CACNA2D1: variants seen among roughly 807,000 people sequenced by gnomAD.
CACNA2D1 encodes the protein calcium voltage-gated channel auxiliary subunit alpha2delta 1, also known as voltage-dependent calcium channel subunit alpha-2/delta-1.
In CACNA2D1, 53 loss-of-function variants were observed where a neutral mutation model predicts 171.5. The observed-to-expected ratio is 0.31, with a 90% CI of 0.25 to 0.39. The LOEUF is 0.39. Ranked by LOEUF, CACNA2D1 falls within the 10% of genes least tolerant of loss-of-function variation. CACNA2D1 has a pLI of 1.00. For missense variants in CACNA2D1, 903 were observed against 1,299.8 expected (o/e 0.69, Z 4.69); for synonymous variants, 442 against 443.1 (o/e 1.00, Z 0.03).
chr7:82,141,978 A>G (rs1299866076), intron 4 of CACNA2D1, among the ~76,000 whole-genome samples: 1 of 152,166 alleles, frequency 6.6e-6, no homozygotes, highest in African/African-American at 2.4e-5. Flanking sequence ...TTGTTTCTCT[A>G]TTATCCTTCA....
intron 1 of CACNA2D1, among the ~76,000 whole-genome samples, chr7:82,394,131 T>C (rs1825513244): frequency 6.6e-6 from 1 of 152,184 alleles, no homozygotes; most frequent in Non-Finnish European, 1.5e-5. Context: ...AGGGTTTTAT[T>C]AACTCTAGGT....
At position 82,418,705 on chromosome 7, in the gene CACNA2D1, T is replaced by A. The variant is rs150535502; in HGVS notation, c.95+24660A>T. Among the ~76,000 whole-genome samples, 559 of 152,168 alleles carry A rather than the reference T, an allele frequency of 3.7e-3. 12 individuals carry two copies. The highest frequency in any genetic ancestry group is 2.3e-3 in the Non-Finnish European group (157 of 68,004). ...CACTGTCCTATAAGACAACAAGCAT[T>A]ATCCATTTACAGAAAAAGTAGACCA... is the stretch of plus-strand genomic sequence containing the variant. On this transcript the variant is annotated intron_variant, in intron 1 of 38. Coordinates refer to ENST00000356860, the MANE Select transcript of CACNA2D1 (RefSeq NM_000722.4).
At chr7:82,430,283 T>C (rs1454465832) in intron 1 of CACNA2D1, among the ~76,000 whole-genome samples, 2 of 151,910 alleles carry the variant, frequency 1.3e-5, no homozygotes, top group East Asian at 3.9e-4. Flanking sequence ...CCAGGCATGG[T>C]GGTTGGCACC....
In CACNA2D1 at chr7:82,270,128, T is replaced by G. The variant is rs570895226; in HGVS notation, c.294+65007A>C. 7.2e-5 allele frequency among the ~76,000 whole-genome samples: 11 copies of G among 152,296 alleles called. No homozygotes were observed. In the South Asian group the frequency reaches 2.3e-3, roughly 32 times the overall value. On this transcript the variant is annotated intron_variant, in intron 3 of 38. Transcript: ENST00000356860. The stretch of plus-strand genomic sequence containing the variant: ...TAACTTGGCTTTCTATCTAACTAAA[T>G]TCTTCAGCTGTTCTCTCCTCAGCTA...
At chr7:82,194,406 CA>C (rs1208926623) in intron 3 of CACNA2D1, among the ~76,000 whole-genome samples, 1 of 151,900 alleles carries the variant, frequency 6.6e-6, no homozygotes, top group Non-Finnish European at 1.5e-5. Flanking sequence ...AAAAACAAAA[CA>C]AAAAAGTTTC....
At chr7:82,310,176 T>C (rs986765817) in intron 3 of CACNA2D1, among the ~76,000 whole-genome samples, 1 of 151,962 alleles carries the variant, frequency 6.6e-6, no homozygotes, top group African/African-American at 2.4e-5. Context: ...ATGAAACAGT[T>C]CAAAATTACT....
chr7:82,420,841 AAAT>A (rs1333217771), intron 1 of CACNA2D1, among the ~76,000 whole-genome samples: 9 of 152,116 alleles, frequency 5.9e-5, no homozygotes, highest in Middle Eastern at 6.3e-3. Flanking sequence ...AAAAAAAAAA[AAAT>A]AAGGCCACAC....
intron 3 of CACNA2D1, among the ~76,000 whole-genome samples, chr7:82,185,478 AGGGGGAGGAGGAGGGGGAGGG>A (rs1797579349): frequency 5.0e-5 from 1 of 20,048 alleles, no homozygotes; most frequent in Non-Finnish European, 1.3e-4. Context: ...AGAGGGGGGG[AGGGGGAGGAGGAGGGGGAGGG>A]GAGGGGGAGG....
At chr7:82,241,209 G>A (rs1406563534) in intron 3 of CACNA2D1, among the ~76,000 whole-genome samples, 2 of 152,118 alleles carry the variant, frequency 1.3e-5, no homozygotes, top group African/African-American at 4.8e-5. Context: ...TTATGACCCT[G>A]ATTACGAATC....
chr7:82,342,093 C>T (rs947689056), intron 2 of CACNA2D1, among the ~76,000 whole-genome samples: 1 of 144,338 alleles, frequency 6.9e-6, no homozygotes, highest in Non-Finnish European at 1.5e-5. Context: ...ACATTTGATT[C>T]TCTGCATCTT....
At chr7:82,336,959 G>A (rs567553208) in intron 2 of CACNA2D1, among the ~76,000 whole-genome samples, 5 of 152,172 alleles carry the variant, frequency 3.3e-5, no homozygotes, top group Middle Eastern at 3.4e-3. Flanking sequence ...GTTCAGATGT[G>A]CAATCTATAC....
chr7:82,424,774 T>C (rs1419960042), intron 1 of CACNA2D1, among the ~76,000 whole-genome samples: 2 of 152,230 alleles, frequency 1.3e-5, no homozygotes, highest in Admixed American at 6.5e-5. Context: ...ACTTTCCTTA[T>C]AGGATGGATC....
chr7:81,999,626 A>T (rs538696959), intron 18 of CACNA2D1, among the ~76,000 whole-genome samples: 1 of 152,360 alleles, frequency 6.6e-6, no homozygotes, highest in African/African-American at 2.4e-5. Context: ...AAAATAAAAC[A>T]GACCATTTTC....
chr7:81,972,147 T>C (rs566799640), intron 25 of CACNA2D1, among the ~76,000 whole-genome samples: 18 of 151,716 alleles, frequency 1.2e-4, no homozygotes, highest in Non-Finnish European at 2.2e-4. Flanking sequence ...AAACAGGAAA[T>C]AGTCCTTCTT....
At chr7:82,199,129 T>C (rs1308570211) in intron 3 of CACNA2D1, among the ~76,000 whole-genome samples, 1 of 152,150 alleles carries the variant, frequency 6.6e-6, no homozygotes, top group Non-Finnish European at 1.5e-5. Flanking sequence ...AGTAAAGTTT[T>C]ATTTACATAC....
At chr7:82,380,462 T>C (rs914284411) in intron 1 of CACNA2D1, among the ~76,000 whole-genome samples, 2 of 152,106 alleles carry the variant, frequency 1.3e-5, no homozygotes, top group African/African-American at 4.8e-5. Flanking sequence ...TTCCAAACTA[T>C]TATATAATAA....
chr7:82,007,631 TCA>T, intron 16 of CACNA2D1, 46 bp downstream of exon 16: 1 of 966,220 alleles, frequency 1.0e-6, no homozygotes, highest in Non-Finnish European at 1.6e-6. Context: ...AGCTTCAACG[TCA>T]CAGTTTGTCA....
chr7:82,019,944 T>C (rs1800982872), intron 12 of CACNA2D1, among the ~76,000 whole-genome samples: 1 of 152,168 alleles, frequency 6.6e-6, no homozygotes, highest in Non-Finnish European at 1.5e-5. Flanking sequence ...AATACTAGAT[T>C]GGATGGAATA....
intron 3 of CACNA2D1, among the ~76,000 whole-genome samples, chr7:82,296,986 G>T (rs1325455252): frequency 1.3e-5 from 2 of 148,248 alleles, no homozygotes; most frequent in East Asian, 4.0e-4. Context: ...TGTAATCTCA[G>T]CATTATGGGA....
Sources: gnomAD v4.1 joint callset for allele counts (sites outside exome capture counted in the v4.1 genomes callset) on GRCh38, gnomAD v4.1.1 for gene constraint, MANE v1.5 for transcripts, NCBI Gene and HGNC (gene_info 2026-07-23, HGNC 2026-07-21) for gene names.